Variants in CDK14 observed in about 807,000 individuals in gnomAD.
The protein encoded by CDK14 is cyclin-dependent kinase 14.
CDK14 carries 34 observed loss-of-function variants against 60.7 expected under a neutral mutation model. The observed-to-expected ratio is 0.56, with a 90% CI of 0.43 to 0.75. The LOEUF is 0.75. Ranked by LOEUF, CDK14 falls within the 30% of genes least tolerant of loss-of-function variation. The pLI is 0.00. For synonymous variants in CDK14, 197 were observed against 203.7 expected, an observed-to-expected ratio of 0.97 and a Z score of 0.28; for missense variants, 482 against 564.1, an observed-to-expected ratio of 0.85 and a Z score of 1.47.
At chr7:90,811,569 T>C (rs932184054) in intron 5 of CDK14, among the ~76,000 whole-genome samples, 1 of 151,976 alleles carries the variant, frequency 6.6e-6, no homozygotes, top group African/African-American at 2.4e-5. Flanking sequence ...AAGGACTTCA[T>C]GTCTAAAACA....
intron 5 of CDK14, among the ~76,000 whole-genome samples, chr7:90,798,929 G>A (rs1257115725): frequency 6.6e-6 from 1 of 152,202 alleles, no homozygotes; most frequent in Non-Finnish European, 1.5e-5. Flanking sequence ...AACAGATAAA[G>A]GGCTGGGAGA....
chr7:90,831,506 A>G (rs1383125460), intron 5 of CDK14, among the ~76,000 whole-genome samples: 2 of 152,184 alleles, frequency 1.3e-5, no homozygotes, highest in Non-Finnish European at 2.9e-5. Context: ...GCCAAACTGT[A>G]TTAAGTACAA....
chr7:90,946,018 T>A (rs1018839508), intron 8 of CDK14, among the ~76,000 whole-genome samples: 8 of 152,146 alleles, frequency 5.3e-5, no homozygotes, highest in Non-Finnish European at 1.2e-4. Context: ...GTCTGAGGGC[T>A]TGATGTGGCA....
At chr7:90,664,252 C>T (rs1036750085) in intron 2 of CDK14, among the ~76,000 whole-genome samples, 17 of 152,300 alleles carry the variant, frequency 1.1e-4, no homozygotes, top group Non-Finnish European at 2.1e-4. Context: ...CCATCTCACA[C>T]CAGTTAGAAA....
intron 8 of CDK14, among the ~76,000 whole-genome samples, chr7:90,946,093 C>T (rs1176659846): frequency 3.3e-5 from 5 of 152,038 alleles, no homozygotes; most frequent in African/African-American, 1.2e-4. Context: ...ATGAACAGAA[C>T]TTTGGGCCTC....
chr7:91,098,511 GAA>G (rs1255707834), intron 12 of CDK14, among the ~76,000 whole-genome samples: 4 of 126,250 alleles, frequency 3.2e-5, no homozygotes, highest in African/African-American at 5.8e-5. Flanking sequence ...AAAAAAGAAA[GAA>G]AAAGAAAGAA....
intron 9 of CDK14, among the ~76,000 whole-genome samples, chr7:90,978,837 G>C (rs1422643913): frequency 3.3e-5 from 5 of 152,140 alleles, no homozygotes; most frequent in African/African-American, 1.2e-4. Context: ...GCTAAAGACA[G>C]TAGTGAAAAA....
intron 2 of CDK14, among the ~76,000 whole-genome samples, chr7:90,604,863 G>T (rs1398381682): frequency 6.6e-6 from 1 of 152,128 alleles, no homozygotes; most frequent in Non-Finnish European, 1.5e-5. Context: ...AGTATAAGTA[G>T]GAATCACCAG....
chr7:91,140,487 G>A (rs2048474400), intron 14 of CDK14, among the ~76,000 whole-genome samples: 1 of 152,194 alleles, frequency 6.6e-6, no homozygotes, highest in South Asian at 2.1e-4. Flanking sequence ...TGAGTCCTTT[G>A]TTAATCATTC....
At chr7:90,926,271 G>C (rs898178671) in intron 8 of CDK14, among the ~76,000 whole-genome samples, 8 of 152,082 alleles carry the variant, frequency 5.3e-5, no homozygotes, top group Non-Finnish European at 1.5e-5. Context: ...AGGAAGATGA[G>C]ACCCAGAATA....
intron 7 of CDK14, among the ~76,000 whole-genome samples, chr7:90,916,078 A>G (rs1023511201): frequency 1.3e-5 from 2 of 152,118 alleles, no homozygotes; most frequent in Admixed American, 1.3e-4. Flanking sequence ...GTTTTTTTAA[A>G]AGGCTTTGAT....
At chr7:90,962,184 T>C (rs1237341875) in intron 9 of CDK14, among the ~76,000 whole-genome samples, 1 of 132,012 alleles carries the variant, frequency 7.6e-6, no homozygotes, top group Non-Finnish European at 1.6e-5. Context: ...CCTCTATTTT[T>C]ATGTCAAAAA....
At chr7:90,605,328 G>A (rs1799395631) in intron 2 of CDK14, among the ~76,000 whole-genome samples, 1 of 152,088 alleles carries the variant, frequency 6.6e-6, no homozygotes, top group Non-Finnish European at 1.5e-5. Context: ...TCTTTTTCCT[G>A]GGCTGAGCTT....
chr7:90,642,322 T>C (rs1359095594), intron 2 of CDK14, among the ~76,000 whole-genome samples: 2 of 152,218 alleles, frequency 1.3e-5, no homozygotes, highest in Non-Finnish European at 2.9e-5. Context: ...AAAAATGCAG[T>C]CTTAAATTAC....
intron 5 of CDK14, among the ~76,000 whole-genome samples, chr7:90,812,455 TG>T (rs1049444121): frequency 6.6e-6 from 1 of 151,242 alleles, no homozygotes; most frequent in Non-Finnish European, 1.5e-5. Context: ...TATCACACAC[TG>T]GGGCCTGTTG....
intron 3 of CDK14, among the ~76,000 whole-genome samples, chr7:90,730,847 C>G (rs1802832578): frequency 6.6e-6 from 1 of 152,178 alleles, no homozygotes; most frequent in African/African-American, 2.4e-5. Context: ...TGCAGGAGCT[C>G]TTTCGTTTAA....
chr7:90,668,749 C>A (rs1801039398), intron 2 of CDK14, among the ~76,000 whole-genome samples: 1 of 133,074 alleles, frequency 7.5e-6, no homozygotes, highest in African/African-American at 2.8e-5. Context: ...TGTTCTGTTG[C>A]CCAGACTGGA....
chr7:90,628,098 G>A lies in CDK14; in HGVS notation c.123+23849G>A, dbSNP rs147132256. 2.0e-5 allele frequency among the ~76,000 whole-genome samples: 3 copies of A among 152,250 alleles called. No homozygotes were observed. In the East Asian group the frequency reaches 5.8e-4, roughly 29 times the overall value. On this transcript the variant is annotated intron_variant, in intron 2 of 14. Transcript: ENST00000380050. ...GCCTCCCAAGTAGTTGGGACCACAG[G>A]TGTGTGCCACTATGCATGGCAATTT...
chr7:90,812,689 G>A (rs1789182351), intron 5 of CDK14, among the ~76,000 whole-genome samples: 1 of 152,072 alleles, frequency 6.6e-6, no homozygotes, highest in African/African-American at 2.4e-5. Context: ...TAATCATAAA[G>A]GACATGAAAA....
Sources: allele counts gnomAD v4.1 joint callset (sites outside exome capture counted in the v4.1 genomes callset), GRCh38; gene constraint gnomAD v4.1.1; transcripts MANE v1.5; gene names NCBI Gene and HGNC (gene_info 2026-07-23, HGNC 2026-07-21).